The following FSTL1 variants were observed in gnomAD, a reference collection of about 807,000 sequenced individuals.
The protein encoded by FSTL1 is follistatin like 1.
FSTL1 carries 24 observed loss-of-function variants against 45.9 expected under a neutral mutation model. That is an observed-to-expected ratio of 0.52 (90% CI 0.38 to 0.74). The LOEUF (loss-of-function observed/expected upper bound fraction) is 0.74. Ranked by LOEUF, FSTL1 falls within the 30% of genes least tolerant of loss-of-function variation. FSTL1 has a pLI of 0.00. For missense variants in FSTL1, 340 were observed against 381.8 expected, an observed-to-expected ratio of 0.89 and a Z score of 0.91; for synonymous variants, 120 against 137.6, an observed-to-expected ratio of 0.87 and a Z score of 0.89.
At chr3:120,418,300 G>T (rs915665410) in intron 2 of FSTL1, among the ~76,000 whole-genome samples, 1 of 152,170 alleles carries the variant, frequency 6.6e-6, no homozygotes, top group Non-Finnish European at 1.5e-5. Context: ...GACCAGAAAG[G>T]TCAGATAACT....
intron 2 of FSTL1, among the ~76,000 whole-genome samples, chr3:120,448,279 A>G (rs987142510): frequency 3.9e-5 from 6 of 152,244 alleles, no homozygotes; most frequent in African/African-American, 1.2e-4. Context: ...ATTGTCACTA[A>G]GGACTGTAAA....
chr3:120,412,301 A>G (rs1009998189), intron 3 of FSTL1, among the ~76,000 whole-genome samples: 1 of 152,232 alleles, frequency 6.6e-6, no homozygotes, highest in Non-Finnish European at 1.5e-5. Context: ...CCACAATGCA[A>G]AAGTATTAAG....
intron 2 of FSTL1, among the ~76,000 whole-genome samples, chr3:120,445,703 T>G (rs1937723595): frequency 2.0e-5 from 3 of 149,644 alleles, no homozygotes; most frequent in Admixed American, 2.0e-4. Flanking sequence ...GCAATAAGTA[T>G]AAAGCTACTA....
chr3:120,393,152 CTGTA>C lies in FSTL1; in HGVS notation c.*3796_*3799del, dbSNP rs1422626345. 2 of 152,144 alleles carry C rather than the reference CTGTA, an allele frequency of 1.3e-5. No individual in the cohort carries two copies. The highest frequency in any genetic ancestry group is 2.9e-5 in the Non-Finnish European group (2 of 68,034). 9.4% of individuals were successfully genotyped at this position (152,144 alleles called of 1,614,324 possible). On this transcript the variant is annotated 3_prime_UTR_variant, in exon 11 of 11. Coordinates refer to ENST00000295633, the MANE Select transcript of FSTL1 (RefSeq NM_007085.5). The stretch of plus-strand genomic sequence containing the variant: ...GAGAATGAAAATTTGAAGAATCAAA[CTGTA>C]AGAGCAGTAATCTGTAGCAATCACA...
At chr3:120,433,870 A>C (rs1221442969) in intron 2 of FSTL1, among the ~76,000 whole-genome samples, 1 of 152,236 alleles carries the variant, frequency 6.6e-6, no homozygotes, top group East Asian at 1.9e-4. Flanking sequence ...TAGCCATAGC[A>C]CTGGGTCCAA....
At chr3:120,434,832 A>G (rs968866078) in intron 2 of FSTL1, among the ~76,000 whole-genome samples, 1 of 152,216 alleles carries the variant, frequency 6.6e-6, no homozygotes, top group Non-Finnish European at 1.5e-5. Context: ...CTTTGTAGAC[A>G]TCATCTCCCT....
intron 2 of FSTL1, chr3:120,423,989 C>G (rs945406773): frequency 6.6e-6 from 1 of 152,112 alleles, no homozygotes; most frequent in African/African-American, 2.4e-5. Flanking sequence ...CTTTGAAGGC[C>G]AATGTAGAGA....
rs568483468 is a variant in FSTL1 at position 120,416,994 on chromosome 3, G to T, written c.64-967C>A. Among the ~76,000 whole-genome samples the T allele has an allele frequency of 3.3e-5, 5 of 152,284 alleles. No homozygotes were observed. The South Asian group carries it at 1.0e-3, about 32-fold the overall frequency. On this transcript the variant is annotated intron_variant, in intron 2 of 10. Transcript: ENST00000295633. Reference sequence around the variant, plus strand: ...CACCACTCAACCCAGGGGTAGTGGTGGTTGCATGAAGGAGAATGTGATTTC... The same window carrying T: ...CACCACTCAACCCAGGGGTAGTGGTTGTTGCATGAAGGAGAATGTGATTTC...
At position 120,399,924 on chromosome 3, in the gene FSTL1, C is replaced by G. The variant is rs1936786076; in HGVS notation, c.841G>C (p.Glu281Gln). 1.2e-6 allele frequency: 2 copies of G among 1,609,784 alleles called. No homozygotes were observed. Among genetic ancestry groups the G allele is most frequent in the Non-Finnish European group, 1.7e-6 (2 of 1,178,022 alleles). ...TCCTGGACATATCTGGTCATCTCCTCCTCTGTCTGGGTCTGGGCCCCCTTC... is the reference window on the plus strand; with the variant it reads ...TCCTGGACATATCTGGTCATCTCCTGCTCTGTCTGGGTCTGGGCCCCCTTC... The part of the protein sequence containing the change: ...NQKGAQTQTE[E>Q]EMTRYVQELQ... Residue 281 changes from glutamate (E) to glutamine (Q), a missense_variant, in exon 10 of 11, where the codon GAG (glutamate) becomes CAG (glutamine). Physicochemically the swap from Glu to Gln is conservative, Grantham distance 29. Transcript: ENST00000295633.
chr3:120,432,881 C>A (rs572055930), intron 2 of FSTL1, among the ~76,000 whole-genome samples: 5 of 152,166 alleles, frequency 3.3e-5, no homozygotes, highest in Non-Finnish European at 5.9e-5. Context: ...AGCGGTGGAA[C>A]GTTCCCCAGA....
At chr3:120,449,955 G>A (rs1937846061) in intron 2 of FSTL1, among the ~76,000 whole-genome samples, 1 of 152,146 alleles carries the variant, frequency 6.6e-6, no homozygotes, top group Admixed American at 6.5e-5. Flanking sequence ...TGAGTTAATG[G>A]AGCGGCTTCT....
intron 8 of FSTL1, 48 bp from the exon 9 acceptor site, chr3:120,402,966 C>T: frequency 8.3e-7 from 1 of 1,207,742 alleles, no homozygotes; most frequent in Non-Finnish European, 1.2e-6. Flanking sequence ...GAGGGTGGAA[C>T]AGGGCATCTT....
At chr3:120,409,723 C>A in intron 5 of FSTL1, 61 bp from the exon 6 acceptor site, 2 of 1,563,396 alleles carry the variant, frequency 1.3e-6, no homozygotes, top group Non-Finnish European at 1.8e-6. Context: ...TGATATCTGG[C>A]ACCCACTGTG....
chr3:120,409,383 C>T, intron 6 of FSTL1, 149 bp downstream of exon 6: 2 of 704,402 alleles, frequency 2.8e-6, no homozygotes, highest in East Asian at 2.7e-5. Context: ...GCAACTTTCA[C>T]AGCTTCATGA....
At chr3:120,409,783 G>A in intron 5 of FSTL1, 121 bp from the exon 6 acceptor site, 1 of 826,536 alleles carries the variant, frequency 1.2e-6, no homozygotes, top group Non-Finnish European at 1.9e-6. Flanking sequence ...AGCAACACAG[G>A]GAGATAGGAT....
intron 2 of FSTL1, among the ~76,000 whole-genome samples, chr3:120,439,368 G>A (rs1349064250): frequency 6.6e-6 from 1 of 152,174 alleles, no homozygotes; most frequent in Admixed American, 6.5e-5. Flanking sequence ...TTGTGCAACA[G>A]CCCAAAGTAG....
chr3:120,445,816 G>A (rs1576229719), intron 2 of FSTL1, among the ~76,000 whole-genome samples: 1 of 149,972 alleles, frequency 6.7e-6, no homozygotes, highest in Admixed American at 6.6e-5. Context: ...ACCATGCCTT[G>A]TGCTTCACTG....
Position 120,450,061 on chromosome 3 carries a change from T to C in FSTL1, c.63+623A>G, listed in dbSNP as rs1937849133. On this transcript the variant is annotated intron_variant, in intron 2 of 10. Transcript: ENST00000295633. ...AAAACAAGCGCTGAAATGCTTTAAC[T>C]GGAAACTCGAGCCCCCAAAGAGCAG... 1.3e-5 allele frequency among the ~76,000 whole-genome samples: 2 copies of C among 152,064 alleles called. 1 individual carries two copies. The highest frequency in any genetic ancestry group is 4.2e-4 in the South Asian group (2 of 4,816).
At chr3:120,445,338 G>C (rs1466482736) in intron 2 of FSTL1, among the ~76,000 whole-genome samples, 1 of 149,480 alleles carries the variant, frequency 6.7e-6, no homozygotes, top group Non-Finnish European at 1.5e-5. Context: ...ATTAATTATT[G>C]AAGGTTTGCT....
Sources: gnomAD v4.1 joint callset for allele counts (sites outside exome capture counted in the v4.1 genomes callset) on GRCh38, gnomAD v4.1.1 for gene constraint, MANE v1.5 for transcripts, NCBI Gene and HGNC (gene_info 2026-07-23, HGNC 2026-07-21) for gene names.